RBPJ: variants seen among roughly 807,000 people sequenced by gnomAD.
RBPJ encodes recombination signal binding protein for immunoglobulin kappa J region.
A neutral mutation model predicts 67.8 loss-of-function variants in RBPJ; 9 were observed. The observed-to-expected ratio is 0.13, with a 90% CI of 0.08 to 0.23. RBPJ has a LOEUF of 0.23. Ranked by LOEUF, RBPJ falls within the 10% of genes least tolerant of loss-of-function variation. The probability of loss-of-function intolerance (pLI) is 1.00; values close to 1 mark genes in which losing one functional copy is unlikely to be tolerated. For missense variants in RBPJ, 305 were observed against 595.6 expected, an observed-to-expected ratio of 0.51 and a Z score of 5.08; for synonymous variants, 198 against 203.3, an observed-to-expected ratio of 0.97 and a Z score of 0.22.
At chr4:26,341,608 C>T (rs926796405) in intron 1 of RBPJ, among the ~76,000 whole-genome samples, 4 of 150,006 alleles carry the variant, frequency 2.7e-5, no homozygotes, top group African/African-American at 9.8e-5. Flanking sequence ...AGTGAGACTC[C>T]ATCTCAAAAC....
chr4:26,176,168 A>G (rs1716788803), intron 1 of RBPJ, among the ~76,000 whole-genome samples: 1 of 152,254 alleles, frequency 6.6e-6, no homozygotes, highest in South Asian at 2.1e-4. Flanking sequence ...TTTATCTAAC[A>G]TTTCAGTTTA....
At position 26,335,581 on chromosome 4, in the gene RBPJ, G is replaced by C. The variant is rs181232539; in HGVS notation, c.20+14533G>C. Among the ~76,000 whole-genome samples the C allele has an allele frequency of 5.7e-3, 861 of 149,818 alleles. 7 individuals carry two copies. The highest frequency in any genetic ancestry group is 0.02 in the African/African-American group (812 of 40,788). ...CTTCATCTCATAGACTATTGTCACA[G>C]CCATGTCAACTTCCCCAGCCCACAT... On this transcript the variant is annotated intron_variant, in intron 1 of 10. Transcript: ENST00000355476.
chr4:26,265,392 G>T (rs1720671051), intron 1 of RBPJ, among the ~76,000 whole-genome samples: 1 of 151,994 alleles, frequency 6.6e-6, no homozygotes, highest in Non-Finnish European at 1.5e-5. Context: ...AGCCAGGCGT[G>T]GTAGTGGGCA....
At chr4:26,219,293 T>C (rs2109188514) in intron 1 of RBPJ, among the ~76,000 whole-genome samples, 1 of 152,282 alleles carries the variant, frequency 6.6e-6, no homozygotes, top group South Asian at 2.1e-4. Context: ...TGATGATGTT[T>C]GTTGTTTTCT....
intron 3 of RBPJ, chr4:26,410,033 A>T (rs948218857): frequency 4.4e-6 from 2 of 454,454 alleles, no homozygotes; most frequent in Non-Finnish European, 8.8e-6. Context: ...TGATTTTTTT[A>T]AAAAACAGGT....
chr4:26,257,525 A>G (rs374888005), intron 1 of RBPJ, among the ~76,000 whole-genome samples: 3 of 152,316 alleles, frequency 2.0e-5, no homozygotes, highest in South Asian at 4.1e-4. Context: ...GCTATTCGGG[A>G]GGCTGAGGCA....
chr4:26,136,783 T>G, the RBPJ span, among the ~76,000 whole-genome samples: 1 of 152,210 alleles, frequency 6.6e-6, no homozygotes, highest in Non-Finnish European at 1.5e-5. Flanking sequence ...CACTGAGCAC[T>G]TAGCATATCT....
chr4:26,356,271 C>T (rs2153155), intron 1 of RBPJ, among the ~76,000 whole-genome samples: 106,627 of 152,044 alleles, frequency 0.7, 37,697 homozygotes, highest in East Asian at 0.84. Context: ...CCTAGGTAAG[C>T]CTGCCAAGAC....
intron 1 of RBPJ, among the ~76,000 whole-genome samples, chr4:26,384,968 CCCTCCCCTCTCT>C (rs1560311768): frequency 1.0e-4 from 4 of 40,010 alleles, no homozygotes; most frequent in Non-Finnish European, 1.9e-4. Context: ...CTCCCCTCTC[CCCTCCCCTCTCT>C]CCTCCCCTCT....
the RBPJ span, chr4:26,111,983 C>T: frequency 4.9e-6 from 1 of 202,838 alleles, no homozygotes; most frequent in African/African-American, 2.3e-5. Context: ...ATTCTGGAAA[C>T]TTACAGCAAT....
At chr4:26,113,860 C>G in the RBPJ span, 10 of 176,200 alleles carry the variant, frequency 5.7e-5, no homozygotes, top group African/African-American at 2.1e-4. Context: ...CCTTCATACA[C>G]CTGTCAAATT....
chr4:26,332,315 T>G (rs149561025), intron 1 of RBPJ, among the ~76,000 whole-genome samples: 2 of 152,210 alleles, frequency 1.3e-5, no homozygotes, highest in African/African-American at 4.8e-5. Flanking sequence ...CAATGTGATA[T>G]GTACACTTTG....
At chr4:26,200,792 C>T (rs1490213944) in intron 1 of RBPJ, among the ~76,000 whole-genome samples, 6 of 152,146 alleles carry the variant, frequency 3.9e-5, no homozygotes, top group African/African-American at 1.4e-4. Context: ...CAGGAGCCTC[C>T]TTGACCCCTT....
upstream of RBPJ, chr4:26,319,848 G>A (rs778972555): frequency 3.1e-6 from 5 of 1,592,946 alleles, no homozygotes; most frequent in Non-Finnish European, 4.3e-6. Context: ...GAATCTCTAG[G>A]AAAGGAAAGA....
the RBPJ span, among the ~76,000 whole-genome samples, chr4:26,155,568 G>A: frequency 4.6e-5 from 7 of 151,892 alleles, no homozygotes; most frequent in African/African-American, 1.7e-4. Context: ...CCGAGTAGCT[G>A]GGACTACAGG....
At chr4:26,171,186 TTTTTG>T (rs1171429306) in intron 1 of RBPJ, among the ~76,000 whole-genome samples, 3 of 152,246 alleles carry the variant, frequency 2.0e-5, no homozygotes, top group South Asian at 2.1e-4. Context: ...TCTCTTCCTA[TTTTTG>T]TTTTGAGTTT....
At chr4:26,357,765 T>C (rs1727554674) in intron 1 of RBPJ, among the ~76,000 whole-genome samples, 1 of 152,122 alleles carries the variant, frequency 6.6e-6, no homozygotes, top group African/African-American at 2.4e-5. Flanking sequence ...ACCACCATTC[T>C]TTTTGTCTCT....
chr4:26,165,842 G>A (rs574479829), intron 1 of RBPJ, among the ~76,000 whole-genome samples: 146 of 149,746 alleles, frequency 9.7e-4, no homozygotes, highest in African/African-American at 2.5e-3. Context: ...CATTAGGTAT[G>A]TCTCCTAATG....
At chr4:26,318,844 A>G (rs1338079657), upstream of RBPJ, among the ~76,000 whole-genome samples, 1 of 151,816 alleles carries the variant, frequency 6.6e-6, no homozygotes, top group Non-Finnish European at 1.5e-5. Context: ...AAAAATAGAA[A>G]AAATTAGCCG....
Sources: gnomAD v4.1 joint callset for allele counts (sites outside exome capture counted in the v4.1 genomes callset) on GRCh38, gnomAD v4.1.1 for gene constraint, MANE v1.5 for transcripts, NCBI Gene and HGNC (gene_info 2026-07-23, HGNC 2026-07-21) for gene names.